ZMAT4: variants seen among roughly 807,000 people sequenced by gnomAD.
ZMAT4 encodes zinc finger matrin-type protein 4.
A neutral mutation model predicts 28.7 loss-of-function variants in ZMAT4; 17 were observed. The observed-to-expected ratio is 0.59, with a 90% CI of 0.41 to 0.89. The LOEUF (loss-of-function observed/expected upper bound fraction) is 0.89, where lower values mean the gene tolerates loss of function less well. Ranked by LOEUF, ZMAT4 falls within the 40% of genes least tolerant of loss-of-function variation. ZMAT4 has a pLI of 0.00. For synonymous variants in ZMAT4, 117 were observed against 109.2 expected (o/e 1.07, Z -0.44); for missense variants, 240 against 283.8 (o/e 0.85, Z 1.11).
intron 1 of ZMAT4, among the ~76,000 whole-genome samples, chr8:40,868,787 G>T (rs1260114394): frequency 6.6e-6 from 1 of 152,106 alleles, no homozygotes; most frequent in Non-Finnish European, 1.5e-5. Flanking sequence ...CCTCTCCACT[G>T]CCTGGCTGCC....
intron 3 of ZMAT4, among the ~76,000 whole-genome samples, chr8:40,710,621 GA>G (rs1162046567): frequency 0.021 from 3,012 of 143,284 alleles, 57 homozygotes; most frequent in African/African-American, 0.055. Flanking sequence ...TTTGTGGGGG[GA>G]AAAAAAAAAA....
intron 2 of ZMAT4, among the ~76,000 whole-genome samples, chr8:40,800,016 C>A (rs1407565155): frequency 6.6e-6 from 1 of 152,056 alleles, no homozygotes; most frequent in Non-Finnish European, 1.5e-5. Flanking sequence ...AAAACAGAAA[C>A]AAAAAGCAAG....
At chr8:40,663,340 GC>G (rs1326168985) in intron 5 of ZMAT4, among the ~76,000 whole-genome samples, 4 of 152,064 alleles carry the variant, frequency 2.6e-5, no homozygotes, top group Admixed American at 1.3e-4. Flanking sequence ...GGGCTCCCAA[GC>G]TTTTTTTTCA....
chr8:40,642,464 T>C (rs1160825613), intron 5 of ZMAT4, among the ~76,000 whole-genome samples: 1 of 152,216 alleles, frequency 6.6e-6, no homozygotes, highest in Non-Finnish European at 1.5e-5. Context: ...AGAAGCCAAA[T>C]ACTTCAGACC....
intron 3 of ZMAT4, among the ~76,000 whole-genome samples, chr8:40,735,665 A>T (rs1167793190): frequency 1.3e-5 from 2 of 152,218 alleles, no homozygotes; most frequent in Non-Finnish European, 2.9e-5. Flanking sequence ...CAGAAGGGAC[A>T]TTCCTATAGC....
Position 40,786,731 on chromosome 8 carries a change from C to G in ZMAT4, c.103-19001G>C, listed in dbSNP as rs1422582123. 4.7e-6 allele frequency: 6 copies of G among 1,289,288 alleles called. No individual in the cohort carries two copies. In the South Asian group the frequency reaches 7.4e-5, roughly 16 times the overall value. The allele number at this position is 1,289,288 out of a possible 1,614,324, so 79.9% of individuals were successfully genotyped here. ...GCCACCTTCTTCAGTGTGACATCTT[C>G]TTTTGGCTTAGTATGTCTAATGAAA... On this transcript the variant is annotated intron_variant, in intron 2 of 6. Coordinates refer to ENST00000297737, the MANE Select transcript of ZMAT4 (RefSeq NM_024645.3).
chr8:40,539,299 A>C (rs1563331486), intron 6 of ZMAT4, among the ~76,000 whole-genome samples: 1 of 152,172 alleles, frequency 6.6e-6, no homozygotes, highest in Non-Finnish European at 1.5e-5. Context: ...AAAAGGAATC[A>C]CTTGGCACAT....
chr8:40,810,376 A>T (rs1490848075), intron 2 of ZMAT4, among the ~76,000 whole-genome samples: 1 of 152,212 alleles, frequency 6.6e-6, no homozygotes, highest in Non-Finnish European at 1.5e-5. Context: ...ACTGACCAAG[A>T]TCAAGAAAAT....
intron 1 of ZMAT4, among the ~76,000 whole-genome samples, chr8:40,893,691 G>T (rs907556): frequency 0.24 from 35,842 of 152,106 alleles, 5,033 homozygotes; most frequent in East Asian, 0.42. Flanking sequence ...TACGTCCGGG[G>T]GTACATGTGC....
chr8:40,534,677 C>CTTT (rs34915339), intron 6 of ZMAT4, among the ~76,000 whole-genome samples: 17 of 87,362 alleles, frequency 1.9e-4, no homozygotes, highest in African/African-American at 3.2e-4. Context: ...CATTTGCTAC[C>CTTT]TTTTTTTTTT....
At position 40,740,097 on chromosome 8, in the gene ZMAT4, A is replaced by G. The variant is rs551681096; in HGVS notation, c.192+27544T>C. On this transcript the variant is annotated intron_variant, in intron 3 of 6. Coordinates refer to ENST00000297737, the MANE Select transcript of ZMAT4 (RefSeq NM_024645.3). ...CTTTGCTATTGTAAATAGTGCTGCA[A>G]TAAACATTCATGTGCATGTGTCTTT... Among the ~76,000 whole-genome samples the G allele has an allele frequency of 8.5e-5, 13 of 152,316 alleles. No homozygotes were observed. In the East Asian group the frequency reaches 2.5e-3, roughly 29 times the overall value.
At chr8:40,680,087 G>A (rs1319023176) in intron 4 of ZMAT4, among the ~76,000 whole-genome samples, 2 of 152,138 alleles carry the variant, frequency 1.3e-5, no homozygotes, top group Non-Finnish European at 2.9e-5. Context: ...ACATATCACA[G>A]TCTCTCTCCT....
chr8:40,663,033 C>G (rs572285344), intron 5 of ZMAT4, among the ~76,000 whole-genome samples: 2 of 152,164 alleles, frequency 1.3e-5, no homozygotes, highest in Non-Finnish European at 2.9e-5. Flanking sequence ...AAGTATTCAT[C>G]TCTCTACTCA....
chr8:40,797,581 GA>G (rs1563490921), intron 2 of ZMAT4, among the ~76,000 whole-genome samples: 1 of 152,210 alleles, frequency 6.6e-6, no homozygotes, highest in East Asian at 1.9e-4. Flanking sequence ...ACAGGGCCCA[GA>G]TATTGTAGCT....
intron 3 of ZMAT4, among the ~76,000 whole-genome samples, chr8:40,744,153 C>A (rs1812126586): frequency 6.6e-6 from 1 of 152,168 alleles, no homozygotes; most frequent in Non-Finnish European, 1.5e-5. Flanking sequence ...CTCCGTGGGA[C>A]CTTGGATTCT....
At chr8:40,760,673 C>T (rs536536577) in intron 3 of ZMAT4, among the ~76,000 whole-genome samples, 7 of 150,264 alleles carry the variant, frequency 4.7e-5, no homozygotes, top group Non-Finnish European at 7.4e-5. Context: ...ACATTCTGAC[C>T]GCAAAGATCT....
chr8:40,864,741 A>G (rs1054906743), intron 1 of ZMAT4, among the ~76,000 whole-genome samples: 2 of 152,220 alleles, frequency 1.3e-5, no homozygotes, highest in Non-Finnish European at 2.9e-5. Context: ...TAAGTTCAGC[A>G]AAAACATAGA....
rs756293348 is a variant in ZMAT4 at position 40,680,193 on chromosome 8, TC to T, written c.350-5263del. 6.6e-4 allele frequency among the ~76,000 whole-genome samples: 100 copies of T among 152,286 alleles called. 1 individual carries two copies. Among genetic ancestry groups the T allele is most frequent in the Middle Eastern group, 6.8e-3 (2 of 294 alleles). On this transcript the variant is annotated intron_variant, in intron 4 of 6. Transcript: ENST00000297737. ...ATCTGTAAGTTGCAGAGAGTGCACA[TC>T]CTTCTGAAAAATTTACTTTCAAACA...
chr8:40,686,978 A>T (rs1025283485), intron 4 of ZMAT4, among the ~76,000 whole-genome samples: 1 of 152,042 alleles, frequency 6.6e-6, no homozygotes, highest in Non-Finnish European at 1.5e-5. Flanking sequence ...AGGCGGGAAA[A>T]GTGGTTGGTA....
Sources: gnomAD v4.1 joint callset for allele counts (sites outside exome capture counted in the v4.1 genomes callset) on GRCh38, gnomAD v4.1.1 for gene constraint, MANE v1.5 for transcripts, NCBI Gene and HGNC (gene_info 2026-07-23, HGNC 2026-07-21) for gene names.